The following PHF21A variants were observed in gnomAD, a reference collection of about 807,000 sequenced individuals.
The protein encoded by PHF21A is BHC80a.
In PHF21A, 11 loss-of-function variants were observed where a neutral mutation model predicts 82.5. The ratio of observed to expected loss-of-function variants is 0.13; its 90% CI spans 0.08 to 0.22. PHF21A has a LOEUF of 0.22. Ranked by LOEUF, PHF21A falls within the 10% of genes least tolerant of loss-of-function variation. PHF21A has a pLI of 1.00. For synonymous variants in PHF21A, 297 were observed against 302.8 expected (o/e 0.98, Z 0.20); for missense variants, 579 against 837.8 (o/e 0.69, Z 3.81).
chr11:45,987,284 A>ATGTATGTATGTATGTG (rs1555052244), intron 6 of PHF21A, among the ~76,000 whole-genome samples: 1 of 151,662 alleles, frequency 6.6e-6, no homozygotes, highest in African/African-American at 2.4e-5. Context: ...GTATGTATGT[A>ATGTATGTATGTATGTG]ACCTGACCCA....
intron 6 of PHF21A, among the ~76,000 whole-genome samples, chr11:46,071,474 G>C (rs931961643): frequency 1.3e-5 from 2 of 152,116 alleles, no homozygotes; most frequent in African/African-American, 4.8e-5. Flanking sequence ...TAATAATATG[G>C]CACATTATTA....
intron 6 of PHF21A, among the ~76,000 whole-genome samples, chr11:46,040,503 C>T (rs935623364): frequency 6.6e-6 from 1 of 151,918 alleles, no homozygotes; most frequent in African/African-American, 2.4e-5. Context: ...GCTCTGTAGC[C>T]CTTGTACAAT....
intron 6 of PHF21A, among the ~76,000 whole-genome samples, chr11:46,051,166 C>T (rs1375188315): frequency 6.6e-6 from 1 of 152,070 alleles, no homozygotes; most frequent in Admixed American, 6.5e-5. Flanking sequence ...GATAACTTTC[C>T]ACCTTTCAAG....
intron 13 of PHF21A, among the ~76,000 whole-genome samples, 170 bp downstream of exon 13, chr11:45,949,232 G>C: frequency 6.6e-6 from 1 of 152,328 alleles, no homozygotes; most frequent in East Asian, 1.9e-4. Context: ...AACCTAAGGG[G>C]TAAGCAGTGA....
At chr11:46,117,078 TATTA>T (rs1851542080) in intron 1 of PHF21A, 1 of 152,254 alleles carries the variant, frequency 6.6e-6, no homozygotes, top group African/African-American at 2.4e-5. Context: ...TCTGTCCATG[TATTA>T]ATTAGTTACC....
At chr11:45,987,552 T>C (rs1339450031) in intron 6 of PHF21A, among the ~76,000 whole-genome samples, 1 of 148,052 alleles carries the variant, frequency 6.8e-6, no homozygotes, top group East Asian at 2.0e-4. Context: ...TCCCAGCTAC[T>C]CGGGAGGCTG....
chr11:46,061,573 T>C (rs1431151997), intron 6 of PHF21A, among the ~76,000 whole-genome samples: 1 of 152,208 alleles, frequency 6.6e-6, no homozygotes, highest in Non-Finnish European at 1.5e-5. Flanking sequence ...CAATTAATTC[T>C]TTCCCATACT....
chr11:46,076,727 A>C, intron 6 of PHF21A, 27 bp downstream of exon 6: 1 of 1,585,278 alleles, frequency 6.3e-7, no homozygotes, highest in Non-Finnish European at 8.6e-7. Flanking sequence ...AACGTTAAAA[A>C]TATGCCCCCC....
chr11:45,993,819 G>A (rs2094804170), intron 6 of PHF21A, among the ~76,000 whole-genome samples: 1 of 151,868 alleles, frequency 6.6e-6, no homozygotes, highest in Non-Finnish European at 1.5e-5. Flanking sequence ...TGGGAAACGG[G>A]ACGGTCAGAG....
chr11:45,968,655 G>A (rs949756476), intron 9 of PHF21A, among the ~76,000 whole-genome samples: 1 of 152,074 alleles, frequency 6.6e-6, no homozygotes, highest in Non-Finnish European at 1.5e-5. Flanking sequence ...CAGGCCGGGC[G>A]CGGTGGCTCA....
In PHF21A at chr11:46,035,993, A is replaced by C. The variant is rs1009361311; in HGVS notation, c.153+40761T>G. Among the ~76,000 whole-genome samples the C allele has an allele frequency of 4.6e-5, 7 of 152,218 alleles. No homozygotes were observed. The South Asian group carries it at 6.2e-4, about 14-fold the overall frequency. On this transcript the variant is annotated intron_variant, in intron 6 of 18. Coordinates refer to ENST00000676320, the MANE Select transcript of PHF21A (RefSeq NM_001352027.3). ...TAGCTACAGTAAAGAGAAGGGAAGAAGGCTGGAAGCAAGAAGATTCAAAAA... is the reference window on the plus strand; with the variant it reads ...TAGCTACAGTAAAGAGAAGGGAAGACGGCTGGAAGCAAGAAGATTCAAAAA...
At chr11:46,079,205 T>C (rs752078877) in intron 4 of PHF21A, 39 bp from the exon 5 acceptor site, 96 of 1,503,866 alleles carry the variant, frequency 6.4e-5, no homozygotes, top group Non-Finnish European at 8.1e-5. Context: ...CAGTCTTACA[T>C]ATTAACTCCC....
rs536336950 is a variant in PHF21A at position 46,081,814 on chromosome 11, C to T, written c.54+2352G>A. 2.0e-5 allele frequency among the ~76,000 whole-genome samples: 3 copies of T among 152,348 alleles called. No homozygotes were observed. In the South Asian group the frequency reaches 6.2e-4, roughly 32 times the overall value. ...AAGTTTTATGGAAAAAAGCCATACT[C>T]ATTCATTTATATATTGTCCGTGGCT... On this transcript the variant is annotated intron_variant, in intron 4 of 18. Transcript: ENST00000676320.
chr11:46,077,505 C>G (rs956198720), intron 5 of PHF21A, among the ~76,000 whole-genome samples: 2 of 152,210 alleles, frequency 1.3e-5, no homozygotes. Flanking sequence ...TGTAGCAGGA[C>G]AGCCTACTAG....
chr11:46,068,130 A>G (rs1473655396), intron 6 of PHF21A, among the ~76,000 whole-genome samples: 1 of 152,186 alleles, frequency 6.6e-6, no homozygotes, highest in Non-Finnish European at 1.5e-5. Context: ...ATGAGTTGCT[A>G]AAGGTATCAG....
chr11:45,982,770 A>C (rs1018925428), intron 6 of PHF21A, among the ~76,000 whole-genome samples: 2 of 152,220 alleles, frequency 1.3e-5, no homozygotes, highest in African/African-American at 4.8e-5. Flanking sequence ...GAGCTCTTAC[A>C]AAACAAAAAC....
At chr11:46,075,369 G>A (rs1416108257) in intron 6 of PHF21A, among the ~76,000 whole-genome samples, 2 of 152,040 alleles carry the variant, frequency 1.3e-5, no homozygotes, top group African/African-American at 2.4e-5. Context: ...GCTGGAACAC[G>A]TGAATTTTTC....
intron 4 of PHF21A, among the ~76,000 whole-genome samples, chr11:46,082,724 A>G (rs912740574): frequency 6.6e-6 from 1 of 152,152 alleles, no homozygotes. Flanking sequence ...TATTTTCATA[A>G]TTGTGATGTT....
At chr11:45,964,976 G>A (rs915961101) in intron 10 of PHF21A, among the ~76,000 whole-genome samples, 1 of 152,076 alleles carries the variant, frequency 6.6e-6, no homozygotes, top group South Asian at 2.1e-4. Flanking sequence ...TTATTGGGCC[G>A]AAACTAACAT....
Sources: allele counts gnomAD v4.1 joint callset (sites outside exome capture counted in the v4.1 genomes callset), GRCh38; gene constraint gnomAD v4.1.1; transcripts MANE v1.5; gene names NCBI Gene and HGNC (gene_info 2026-07-23, HGNC 2026-07-21).